Variants in CUX1 observed in about 807,000 individuals in gnomAD.
CUX1 encodes the protein protein CASP.
Under a neutral mutation model 158.8 loss-of-function variants are expected in CUX1, and 31 were observed. The ratio of observed to expected loss-of-function variants is 0.20; its 90% CI spans 0.15 to 0.26. The LOEUF is 0.26. Among genes scored for constraint, CUX1 ranks in the 10% least tolerant of loss-of-function variants. The pLI is 1.00. For synonymous variants in CUX1, 879 were observed against 862.1 expected (o/e 1.02, Z -0.34); for missense variants, 1,589 against 2,014.6 (o/e 0.79, Z 4.04).
chr7:102,186,060 G>A lies in CUX1; in HGVS notation c.1018-3753G>A, dbSNP rs550166998. Among the ~76,000 whole-genome samples, 78 of 152,298 alleles carry A rather than the reference G, an allele frequency of 5.1e-4. No homozygotes were observed. The Middle Eastern group carries it at 0.01, about 20-fold the overall frequency. The stretch of plus-strand genomic sequence containing the variant: ...ACATTGGGAAACTGGCGTGCCTGTC[G>A]CCCGTCCCAGGGTCAGAGTCTTCGA... On this transcript the variant is annotated intron_variant, in intron 11 of 23. Coordinates refer to ENST00000292535, the MANE Select transcript of CUX1 (RefSeq NM_181552.4).
chr7:102,281,722 C>T (rs1351310079), intron 20 of CUX1: 1 of 711,880 alleles, frequency 1.4e-6, no homozygotes, highest in Middle Eastern at 2.8e-4. Context: ...ATAGGGGCCC[C>T]AGCTTCCTGT....
At chr7:102,166,418 A>G (rs573214545) in intron 9 of CUX1, among the ~76,000 whole-genome samples, 2 of 152,328 alleles carry the variant, frequency 1.3e-5, no homozygotes, top group African/African-American at 4.8e-5. Context: ...GCAGGGACAC[A>G]GGAGGAGACG....
At chr7:102,035,775 A>G (rs137930892) in intron 3 of CUX1, among the ~76,000 whole-genome samples, 49 of 152,182 alleles carry the variant, frequency 3.2e-4, no homozygotes, top group African/African-American at 1.2e-3. Flanking sequence ...AGAGAGAGAA[A>G]GTATACAAGG....
At chr7:101,981,510 A>C (rs1280137597) in intron 2 of CUX1, among the ~76,000 whole-genome samples, 1 of 152,196 alleles carries the variant, frequency 6.6e-6, no homozygotes, top group Non-Finnish European at 1.5e-5. Context: ...TGTGAGTCTT[A>C]GCCACTCTCT....
intron 2 of CUX1, among the ~76,000 whole-genome samples, chr7:101,964,620 T>A (rs1014720712): frequency 6.6e-6 from 1 of 152,178 alleles, no homozygotes; most frequent in African/African-American, 2.4e-5. Flanking sequence ...CACGCCTCCA[T>A]TGGACAGGCT....
chr7:101,817,583 G>T, upstream of CUX1: 4 of 1,520,894 alleles, frequency 2.6e-6, no homozygotes, highest in Non-Finnish European at 3.5e-6. This position sits in a 1 kb window ranked among gnomAD's most constrained non-coding sequence, Gnocchi z 4.1. Context: ...GGTCCGCCCC[G>T]CACGTGCCAG....
At chr7:102,193,119 C>T (rs1221932296) in intron 12 of CUX1, among the ~76,000 whole-genome samples, 2 of 152,232 alleles carry the variant, frequency 1.3e-5, no homozygotes, top group Non-Finnish European at 2.9e-5. Context: ...TAGGAGGTTG[C>T]TCTTTGCCTA....
chr7:102,065,677 G>A (rs766652029), intron 3 of CUX1, among the ~76,000 whole-genome samples: 8 of 152,238 alleles, frequency 5.3e-5, no homozygotes, highest in Non-Finnish European at 1.2e-4. Context: ...AGGGCACGGG[G>A]AGAGGACTGA....
chr7:101,890,819 C>G (rs1001792045), intron 1 of CUX1, among the ~76,000 whole-genome samples: 5 of 152,072 alleles, frequency 3.3e-5, no homozygotes, highest in Non-Finnish European at 7.4e-5. Context: ...TGGCTGTTAC[C>G]GTCACCATCT....
At chr7:102,243,293 A>G (rs192693522) in intron 23 of CUX1, among the ~76,000 whole-genome samples, 9 of 152,268 alleles carry the variant, frequency 5.9e-5, no homozygotes, top group Non-Finnish European at 8.8e-5. Context: ...AATGAATCCC[A>G]GGTCTGAATC....
At chr7:102,131,697 G>A (rs1459179625) in intron 8 of CUX1, among the ~76,000 whole-genome samples, 8 of 149,544 alleles carry the variant, frequency 5.3e-5, no homozygotes, top group Non-Finnish European at 8.9e-5. Context: ...TTTTGAGACA[G>A]GGTCTTGCTG....
intron 2 of CUX1, among the ~76,000 whole-genome samples, chr7:101,937,353 C>T (rs1354951795): frequency 1.3e-5 from 2 of 152,160 alleles, no homozygotes; most frequent in Non-Finnish European, 2.9e-5. Flanking sequence ...GAGATAGAGG[C>T]AGAACCTGGT....
chr7:102,272,135 G>C (rs1373799084), intron 14 of CUX1, among the ~76,000 whole-genome samples: 5 of 152,242 alleles, frequency 3.3e-5, no homozygotes, highest in Non-Finnish European at 7.3e-5. Context: ...CCCAGGTCGG[G>C]AAGCCTCCGT....
chr7:102,134,262 G>A (rs782147059), intron 8 of CUX1, among the ~76,000 whole-genome samples: 4 of 152,118 alleles, frequency 2.6e-5, no homozygotes, highest in Non-Finnish European at 4.4e-5. Flanking sequence ...GCTTGAACCC[G>A]GGAGGTGGAG....
intron 22 of CUX1, chr7:102,283,006 TC>T (rs1792225262): frequency 1.9e-5 from 30 of 1,606,184 alleles, no homozygotes; most frequent in Non-Finnish European, 2.5e-5. Flanking sequence ...CAGCAAAGCT[TC>T]CCGTGTCCCC....
At chr7:102,132,683 T>TC (rs1188278309) in intron 8 of CUX1, among the ~76,000 whole-genome samples, 78 of 144,928 alleles carry the variant, frequency 5.4e-4, no homozygotes, top group African/African-American at 1.9e-3. Flanking sequence ...TGCTTTTCTT[T>TC]TTTTTTTTTT....
intron 9 of CUX1, among the ~76,000 whole-genome samples, chr7:102,167,230 T>C: frequency 6.7e-6 from 1 of 149,240 alleles, no homozygotes; most frequent in Non-Finnish European, 1.5e-5. Flanking sequence ...ATCATACCGC[T>C]GCACTCCAGC....
At chr7:102,156,352 C>T (rs1789764992) in intron 8 of CUX1, among the ~76,000 whole-genome samples, 1 of 152,156 alleles carries the variant, frequency 6.6e-6, no homozygotes, top group Non-Finnish European at 1.5e-5. Flanking sequence ...GGCTTCCATG[C>T]TGCATCATAA....
intron 3 of CUX1, among the ~76,000 whole-genome samples, chr7:102,046,038 T>C (rs1822746379): frequency 6.6e-6 from 1 of 152,170 alleles, no homozygotes; most frequent in African/African-American, 2.4e-5. Context: ...TGAGTTGAAA[T>C]GCACAAGAGG....
Sources: allele counts gnomAD v4.1 joint callset (sites outside exome capture counted in the v4.1 genomes callset), GRCh38; gene constraint gnomAD v4.1.1; non-coding constraint Gnocchi (gnomAD v3.1); transcripts MANE v1.5; gene names NCBI Gene and HGNC (gene_info 2026-07-23, HGNC 2026-07-21).